Variants in RDX observed in about 807,000 individuals in gnomAD.
The protein encoded by RDX is deafness, autosomal recessive 24.
In RDX, 32 loss-of-function variants were observed where a neutral mutation model predicts 83.7. That is an observed-to-expected ratio of 0.38 (90% CI 0.29 to 0.51). The LOEUF (loss-of-function observed/expected upper bound fraction) is 0.51, where lower values mean the gene tolerates loss of function less well. Among genes scored for constraint, RDX ranks in the 20% least tolerant of loss-of-function variants. The pLI is 0.87. For missense variants in RDX, 600 were observed against 689.9 expected (o/e 0.87, Z 1.46); for synonymous variants, 229 against 222.7 (o/e 1.03, Z -0.25).
rs755546417 is a variant in RDX at position 110,237,451 on chromosome 11, C to G, written c.1251+41G>C. 2.5e-6 allele frequency: 4 copies of G among 1,601,358 alleles called. No homozygotes were observed. The South Asian group carries it at 4.4e-5, about 18-fold the overall frequency. Reference sequence around the variant, plus strand: ...TCTTTTTTAGAGGGTTCACTCTATGCTTTTATTTAAACTTTTTTCTCTAAG... The same window carrying G: ...TCTTTTTTAGAGGGTTCACTCTATGGTTTTATTTAAACTTTTTTCTCTAAG... On this transcript the variant is annotated intron_variant, in intron 11 of 13. Coordinates refer to ENST00000645495, the MANE Select transcript of RDX (RefSeq NM_002906.4).
In RDX at chr11:110,230,283, C is replaced by G. The variant is rs1009326088; in HGVS notation, c.*1586G>C. 6.6e-6 allele frequency: 1 copy of G among 151,952 alleles called. No individual in the cohort carries two copies. The highest frequency in any genetic ancestry group is 6.6e-5 in the Admixed American group (1 of 15,234). The allele number at this position is 151,952 out of a possible 1,614,324, so 9.4% of individuals were successfully genotyped here. On this transcript the variant is annotated 3_prime_UTR_variant, in exon 14 of 14. Coordinates refer to ENST00000645495, the MANE Select transcript of RDX (RefSeq NM_002906.4). Reference sequence around the variant, plus strand: ...AGAGAAAACAAGGCTTTACGTATCTCCAAATTTAGCTGTTTTACAATAAAC... The same window carrying G: ...AGAGAAAACAAGGCTTTACGTATCTGCAAATTTAGCTGTTTTACAATAAAC...
intron 1 of RDX, among the ~76,000 whole-genome samples, chr11:110,285,579 G>A (rs1383250786): frequency 6.6e-6 from 1 of 151,852 alleles, no homozygotes; most frequent in Non-Finnish European, 1.5e-5. Context: ...CAAACATGAT[G>A]GCACATGCCT....
At chr11:110,189,599 C>T (rs767515379) in intron 15 of RDX, among the ~76,000 whole-genome samples, 6 of 152,108 alleles carry the variant, frequency 3.9e-5, no homozygotes, top group Non-Finnish European at 8.8e-5. Flanking sequence ...ATTGACCACA[C>T]GCTCAGCCAA....
At position 110,236,190 on chromosome 11, in the gene RDX, G is replaced by A. The variant is rs200525150; in HGVS notation, c.1253C>T (p.Ala418Val). 4.3e-6 allele frequency: 7 copies of A among 1,609,834 alleles called. No individual in the cohort carries two copies. In the East Asian group the frequency reaches 1.1e-4, roughly 26 times the overall value. The stretch of plus-strand genomic sequence containing the variant: ...GGCAGTGAATTCAGCAAGTTCTGCT[G>A]CCTAAAGTAAACAATATAATTCCAA... ...ADQMKNQEQL[A>V]AELAEFTAKI... Residue 418 changes from alanine (A) to valine (V), a missense_variant and splice_region_variant, in exon 12 of 14, where the codon GCA becomes GTA. Physicochemically the swap from Ala to Val is moderately conservative, Grantham distance 64 (BLOSUM62 0). Transcript: ENST00000645495.
At chr11:110,289,608 C>A (rs1861131139) in intron 1 of RDX, among the ~76,000 whole-genome samples, 1 of 152,098 alleles carries the variant, frequency 6.6e-6, no homozygotes, top group African/African-American at 2.4e-5. Context: ...TGTTCCCATT[C>A]TCCCTTTCAC....
intron 12 of RDX, 148 bp downstream of exon 12, chr11:110,235,951 T>G (rs1032180630): frequency 4.5e-6 from 3 of 660,056 alleles, no homozygotes; most frequent in South Asian, 3.7e-5. Context: ...TTGGTTTATA[T>G]CTGTAGATAG....
chr11:110,219,124 G>A (rs1864159024), intron 14 of RDX, among the ~76,000 whole-genome samples: 1 of 152,228 alleles, frequency 6.6e-6, no homozygotes, highest in Non-Finnish European at 1.5e-5. Flanking sequence ...AAATAGGGTT[G>A]TAAAAGGCGG....
intron 7 of RDX, among the ~76,000 whole-genome samples, 199 bp from the exon 8 acceptor site, chr11:110,255,584 T>C (rs1363890448): frequency 6.6e-6 from 1 of 152,184 alleles, no homozygotes; most frequent in Non-Finnish European, 1.5e-5. Flanking sequence ...TGTCCAAAGA[T>C]TTCATAAATG....
intron 1 of RDX, 138 bp from the exon 2 acceptor site, chr11:110,279,894 C>T (rs577099370): frequency 1.7e-5 from 9 of 518,386 alleles, no homozygotes; most frequent in African/African-American, 1.5e-4. Flanking sequence ...TTCTCATTTT[C>T]AATATCTTCT....
In RDX at chr11:110,230,946, A is replaced by G. The variant is rs1591130665; in HGVS notation, c.*923T>C. The G allele has an allele frequency of 7.2e-5, 1 of 13,798 alleles. No homozygotes were observed. Among genetic ancestry groups the G allele is most frequent in the Admixed American group, 5.6e-4 (1 of 1,800 alleles). The allele number at this position is 13,798 out of a possible 1,614,324, so 0.9% of individuals were successfully genotyped here. A position where few individuals can be genotyped will look rare whatever the true frequency, so the allele number is the denominator to read the frequency against. On this transcript the variant is annotated 3_prime_UTR_variant, in exon 14 of 14. Coordinates refer to ENST00000645495, the MANE Select transcript of RDX (RefSeq NM_002906.4). The stretch of plus-strand genomic sequence containing the variant: ...ATGTTTTTATATGCTGCCCTTCCAG[A>G]AAAGGTCCAGGTTTTAAAAAATAAC...
intron 10 of RDX, among the ~76,000 whole-genome samples, chr11:110,238,974 T>C (rs190440440): frequency 2.3e-4 from 33 of 146,602 alleles, no homozygotes; most frequent in African/African-American, 7.0e-4. Context: ...TTTGAGAGGG[T>C]TGGAGAAGAA....
intron 2 of RDX, among the ~76,000 whole-genome samples, chr11:110,273,610 G>A (rs1860390134): frequency 6.6e-6 from 1 of 152,214 alleles, no homozygotes; most frequent in South Asian, 2.1e-4. Flanking sequence ...TAATTTTATT[G>A]TGTAAATACC....
In RDX at chr11:110,261,414, G is replaced by A. The variant is rs150165201; in HGVS notation, c.467+2546C>T. Among the ~76,000 whole-genome samples, 1,428 of 152,262 alleles carry A rather than the reference G, an allele frequency of 9.4e-3. 31 individuals carry two copies. The highest frequency in any genetic ancestry group is 0.033 in the African/African-American group (1,358 of 41,562). On this transcript the variant is annotated intron_variant, in intron 5 of 13. Coordinates refer to ENST00000645495, the MANE Select transcript of RDX (RefSeq NM_002906.4). ...CAAGAGCTAAACTTTTCTACAGTAA[G>A]AACAGATTGCTCATCTGGGTTTTTC...
chr11:110,175,349 T>C (rs925562794), intron 15 of RDX: 3 of 152,264 alleles, frequency 2.0e-5, no homozygotes, highest in African/African-American at 4.8e-5. Flanking sequence ...CAATGCCCAC[T>C]GCAAACACAA....
intron 14 of RDX, among the ~76,000 whole-genome samples, chr11:110,216,872 T>G (rs1864073558): frequency 6.6e-6 from 1 of 152,152 alleles, no homozygotes; most frequent in Non-Finnish European, 1.5e-5. Context: ...TCAACTCAAA[T>G]ATAGTATATT....
chr11:110,262,118 T>G (rs1859831273), intron 5 of RDX, among the ~76,000 whole-genome samples: 1 of 152,230 alleles, frequency 6.6e-6, no homozygotes, highest in Non-Finnish European at 1.5e-5. Flanking sequence ...CTCAATTCAG[T>G]AATCTAAGAT....
At chr11:110,265,075 CTTT>C (rs59010580) in intron 3 of RDX, among the ~76,000 whole-genome samples, 4 of 110,540 alleles carry the variant, frequency 3.6e-5, no homozygotes, top group Non-Finnish European at 8.0e-5. Context: ...CTCAATTTTT[CTTT>C]TTTTTTTTTT....
intron 9 of RDX, among the ~76,000 whole-genome samples, chr11:110,250,462 G>A (rs911711583): frequency 2.0e-5 from 3 of 151,994 alleles, no homozygotes; most frequent in Non-Finnish European, 4.4e-5. Context: ...GACAATTCTC[G>A]AGGACTTACA....
intron 14 of RDX, among the ~76,000 whole-genome samples, chr11:110,211,348 C>T (rs955050921): frequency 6.6e-6 from 1 of 151,846 alleles, no homozygotes; most frequent in African/African-American, 2.4e-5. Flanking sequence ...TCGTGAGTGA[C>T]CTACAAAGAG....
Sources: allele counts gnomAD v4.1 joint callset (sites outside exome capture counted in the v4.1 genomes callset), GRCh38; gene constraint gnomAD v4.1.1; transcripts MANE v1.5; gene names NCBI Gene and HGNC (gene_info 2026-07-23, HGNC 2026-07-21).